Variants in KCNMA1 observed in about 807,000 individuals in gnomAD.
KCNMA1 encodes the protein Calcium-activated potassium channel subunit alpha-1.
A neutral mutation model predicts 140.0 loss-of-function variants in KCNMA1; 29 were observed. The ratio of observed to expected loss-of-function variants is 0.21; its 90% CI spans 0.15 to 0.28. KCNMA1 has a LOEUF of 0.28. Ranked by LOEUF, KCNMA1 falls within the 10% of genes least tolerant of loss-of-function variation. The pLI is 1.00. For synonymous variants in KCNMA1, 612 were observed against 611.9 expected (o/e 1.00, Z 0.00); for missense variants, 880 against 1,602.2 (o/e 0.55, Z 7.70).
intron 1 of KCNMA1, among the ~76,000 whole-genome samples, chr10:77,477,840 T>C (rs1203270387): frequency 1.3e-5 from 2 of 152,240 alleles, no homozygotes; most frequent in Non-Finnish European, 2.9e-5. Flanking sequence ...AGCAAGAAAC[T>C]GCTATTTTTA....
At chr10:77,448,546 T>G (rs980695563) in intron 1 of KCNMA1, among the ~76,000 whole-genome samples, 8 of 152,208 alleles carry the variant, frequency 5.3e-5, no homozygotes, top group African/African-American at 1.4e-4. Context: ...ATCATAAAAC[T>G]GATCAGCAGC....
At chr10:76,916,901 T>C (rs1364381191) in intron 23 of KCNMA1, among the ~76,000 whole-genome samples, 1 of 152,310 alleles carries the variant, frequency 6.6e-6, no homozygotes, top group South Asian at 2.1e-4. Flanking sequence ...AGTGCCATAC[T>C]TTCAAAAAGA....
chr10:77,354,158 T>A (rs2093244251), intron 2 of KCNMA1, among the ~76,000 whole-genome samples: 1 of 152,222 alleles, frequency 6.6e-6, no homozygotes, highest in Admixed American at 6.5e-5. Context: ...AGCTAATTTT[T>A]GTATTTTTAG....
chr10:77,559,003 G>A (rs1788161219), intron 1 of KCNMA1, among the ~76,000 whole-genome samples: 1 of 152,160 alleles, frequency 6.6e-6, no homozygotes, highest in African/African-American at 2.4e-5. Flanking sequence ...CCAGGGCTAC[G>A]CTGGGAGTAT....
chr10:77,585,931 A>G (rs1212770994), intron 1 of KCNMA1, among the ~76,000 whole-genome samples: 1 of 152,206 alleles, frequency 6.6e-6, no homozygotes, highest in Non-Finnish European at 1.5e-5. Flanking sequence ...ACTCCTTTCC[A>G]AAACCTTTTT....
chr10:77,294,359 G>A (rs2074294137), intron 2 of KCNMA1, among the ~76,000 whole-genome samples: 2 of 152,184 alleles, frequency 1.3e-5, no homozygotes, highest in Admixed American at 6.5e-5. Context: ...TGTCCCCAGA[G>A]CTATTAGTGA....
chr10:76,998,484 C>T (rs1179585049), intron 19 of KCNMA1, among the ~76,000 whole-genome samples: 2 of 152,152 alleles, frequency 1.3e-5, no homozygotes, highest in Non-Finnish European at 2.9e-5. Flanking sequence ...GGAAACAATA[C>T]AGCCCTAGCA....
intron 2 of KCNMA1, among the ~76,000 whole-genome samples, chr10:77,388,857 T>C (rs981193287): frequency 1.3e-5 from 2 of 152,226 alleles, no homozygotes; most frequent in Non-Finnish European, 2.9e-5. Context: ...ACAAGGTTTT[T>C]TTCTGTAAGA....
chr10:77,207,204 C>A (rs563758466), intron 3 of KCNMA1, among the ~76,000 whole-genome samples: 109 of 152,080 alleles, frequency 7.2e-4, no homozygotes, highest in Non-Finnish European at 1.2e-3. Flanking sequence ...CTTCTGATTA[C>A]ATAAATTTAA....
At chr10:77,589,988 G>A (rs999729805) in intron 1 of KCNMA1, among the ~76,000 whole-genome samples, 5 of 152,138 alleles carry the variant, frequency 3.3e-5, no homozygotes, top group Admixed American at 6.5e-5. Flanking sequence ...TGATTGGTGC[G>A]TTCACAATCC....
chr10:77,296,061 T>C (rs1222095447), intron 2 of KCNMA1, among the ~76,000 whole-genome samples: 1 of 152,090 alleles, frequency 6.6e-6, no homozygotes, highest in Non-Finnish European at 1.5e-5. Context: ...GATGCCAGTA[T>C]CTTAATCCCA....
At chr10:77,314,719 G>A (rs2080284201) in intron 2 of KCNMA1, among the ~76,000 whole-genome samples, 1 of 151,962 alleles carries the variant, frequency 6.6e-6, no homozygotes, top group Non-Finnish European at 1.5e-5. Flanking sequence ...GTTAGCTCCT[G>A]GTGCTCACCA....
At chr10:77,512,851 C>T (rs1158680893) in intron 1 of KCNMA1, among the ~76,000 whole-genome samples, 2 of 152,146 alleles carry the variant, frequency 1.3e-5, no homozygotes, top group East Asian at 1.9e-4. Context: ...ACGGTATATC[C>T]GACTTGAGCC....
Position 76,989,269 on chromosome 10 carries a change from C to T in KCNMA1, c.2266+12138G>A, listed in dbSNP as rs963479777. Among the ~76,000 whole-genome samples, 13 of 152,142 alleles carry T rather than the reference C, an allele frequency of 8.5e-5. No individual in the cohort carries two copies. In the East Asian group the frequency reaches 1.7e-3, roughly 20 times the overall value. ...CCTGTAAGAATCTTCTGGGCTCTTT[C>T]GGTGTGTCCCTGTGCGCCCAGTTCC... On this transcript the variant is annotated intron_variant, in intron 19 of 27. Coordinates refer to ENST00000286628, the MANE Select transcript of KCNMA1 (RefSeq NM_001161352.2).
intron 18 of KCNMA1, among the ~76,000 whole-genome samples, chr10:77,008,514 T>A (rs898096997): frequency 2.0e-5 from 3 of 152,150 alleles, no homozygotes; most frequent in Non-Finnish European, 4.4e-5. Context: ...TGGAAAGAAA[T>A]GCAAACGTTA....
At chr10:77,601,751 T>A (rs2082720318) in intron 1 of KCNMA1, among the ~76,000 whole-genome samples, 1 of 152,126 alleles carries the variant, frequency 6.6e-6, no homozygotes, top group Non-Finnish European at 1.5e-5. Flanking sequence ...ACTTTATTTG[T>A]CAGTGACTCA....
rs1015404154 is a variant in KCNMA1 at position 77,379,922 on chromosome 10, C to T, written c.540+23940G>A. 3.3e-5 allele frequency among the ~76,000 whole-genome samples: 5 copies of T among 152,172 alleles called. No individual in the cohort carries two copies. In the South Asian group the frequency reaches 1.0e-3, roughly 32 times the overall value. On this transcript the variant is annotated intron_variant, in intron 2 of 27. Transcript: ENST00000286628. ...GCCAGCCTCCCACGTCAGTTTCCTC[C>T]CCTATGGGCTCCACTGAATGGGGAT...
At chr10:77,627,725 C>G (rs2092701660) in intron 1 of KCNMA1, among the ~76,000 whole-genome samples, 1 of 152,188 alleles carries the variant, frequency 6.6e-6, no homozygotes, top group African/African-American at 2.4e-5. Context: ...CAGACACAGA[C>G]TAGAAGCAAA....
chr10:77,477,043 G>A (rs1465683420), intron 1 of KCNMA1, among the ~76,000 whole-genome samples: 1 of 152,208 alleles, frequency 6.6e-6, no homozygotes, highest in African/African-American at 2.4e-5. Flanking sequence ...GGCATCTGAA[G>A]GCAGGACACC....
Sources: gnomAD v4.1 joint callset for allele counts (sites outside exome capture counted in the v4.1 genomes callset) on GRCh38, gnomAD v4.1.1 for gene constraint, MANE v1.5 for transcripts, NCBI Gene and HGNC (gene_info 2026-07-23, HGNC 2026-07-21) for gene names.